Variants in SPMIP2 observed in about 807,000 individuals in gnomAD.
SPMIP2 encodes the protein sperm microtubule inner protein 2, also known as protein SPMIP2.
At chr4:159,002,530 T>C in the SPMIP2 span, among the ~76,000 whole-genome samples, 1 of 152,226 alleles carries the variant, frequency 6.6e-6, no homozygotes, top group Non-Finnish European at 1.5e-5. Context: ...AAATAATCTT[T>C]GTCTAATCTA....
At chr4:158,964,507 C>T in the SPMIP2 span, among the ~76,000 whole-genome samples, 1 of 152,022 alleles carries the variant, frequency 6.6e-6, no homozygotes, top group Non-Finnish European at 1.5e-5. Context: ...TAATTTGTTA[C>T]GCAACAGAAA....
At chr4:158,900,035 G>A in the SPMIP2 span, among the ~76,000 whole-genome samples, 1 of 151,988 alleles carries the variant, frequency 6.6e-6, no homozygotes, top group Admixed American at 6.6e-5. Flanking sequence ...CTAAAGATTC[G>A]GGTACACTGT....
the SPMIP2 span, among the ~76,000 whole-genome samples, chr4:158,913,005 G>A: frequency 0.71 from 107,169 of 151,938 alleles, 38,504 homozygotes; most frequent in East Asian, 0.95. Context: ...GAACCCACTC[G>A]TGAGGAAACA....
the SPMIP2 span, among the ~76,000 whole-genome samples, chr4:159,017,366 C>CAT: frequency 7.3e-3 from 1,102 of 151,526 alleles, 18 homozygotes; most frequent in African/African-American, 0.025. Context: ...TACACACACA[C>CAT]ACACACACAC....
chr4:158,964,833 A>T, the SPMIP2 span, among the ~76,000 whole-genome samples: 7 of 152,192 alleles, frequency 4.6e-5, no homozygotes, highest in African/African-American at 1.7e-4. Flanking sequence ...GTGGCAGGTG[A>T]GAGAGAGCAA....
the SPMIP2 span, among the ~76,000 whole-genome samples, chr4:159,036,710 A>G: frequency 6.6e-6 from 1 of 152,134 alleles, no homozygotes; most frequent in Non-Finnish European, 1.5e-5. Flanking sequence ...TATTTCCCCA[A>G]TGTGGGCAAC....
At chr4:159,066,552 T>C in the SPMIP2 span, among the ~76,000 whole-genome samples, 1 of 150,062 alleles carries the variant, frequency 6.7e-6, no homozygotes, top group Admixed American at 6.7e-5. Context: ...ATTACATATA[T>C]CCTATATATG....
chr4:159,051,301 A>G, the SPMIP2 span, among the ~76,000 whole-genome samples: 5 of 152,136 alleles, frequency 3.3e-5, no homozygotes, highest in Non-Finnish European at 5.9e-5. Flanking sequence ...TAGCTTTTTT[A>G]TTGCTTGAAA....
At chr4:159,007,745 G>A in the SPMIP2 span, 2 of 635,900 alleles carry the variant, frequency 3.1e-6, no homozygotes, top group South Asian at 1.4e-5. Context: ...TGGACTTCGG[G>A]GCCTTCTACG....
chr4:158,968,818 T>C, the SPMIP2 span, among the ~76,000 whole-genome samples: 1 of 152,204 alleles, frequency 6.6e-6, no homozygotes, highest in Non-Finnish European at 1.5e-5. Context: ...GTTTATTCCA[T>C]AGCCATCAAG....
At chr4:158,938,102 A>C in the SPMIP2 span, among the ~76,000 whole-genome samples, 1 of 152,232 alleles carries the variant, frequency 6.6e-6, no homozygotes, top group African/African-American at 2.4e-5. Context: ...TTTCTAAACA[A>C]AATTGGATGA....
chr4:158,921,884 CTTTTTT>C, the SPMIP2 span, among the ~76,000 whole-genome samples: 1 of 91,324 alleles, frequency 1.1e-5, no homozygotes, highest in African/African-American at 4.0e-5. Context: ...CTTCTACATA[CTTTTTT>C]TTTTTTTTTT....
At chr4:158,912,510 C>T in the SPMIP2 span, among the ~76,000 whole-genome samples, 2 of 152,122 alleles carry the variant, frequency 1.3e-5, no homozygotes, top group African/African-American at 4.8e-5. Context: ...TGATTCTTGT[C>T]GTGTAAGAAT....
At chr4:158,932,435 C>T in the SPMIP2 span, among the ~76,000 whole-genome samples, 1 of 152,204 alleles carries the variant, frequency 6.6e-6, no homozygotes, top group Non-Finnish European at 1.5e-5. Flanking sequence ...TACCACTGCT[C>T]TTCAGCCTGG....
chr4:159,081,591 TGAGATGAGATCAC>T, the SPMIP2 span, among the ~76,000 whole-genome samples: 1 of 151,820 alleles, frequency 6.6e-6, no homozygotes, highest in Non-Finnish European at 1.5e-5. Context: ...CTTCGGAGGC[TGAGATGAGATCAC>T]ATGAGCCTAG....
chr4:159,065,648 C>T, the SPMIP2 span, among the ~76,000 whole-genome samples: 1 of 152,086 alleles, frequency 6.6e-6, no homozygotes, highest in Non-Finnish European at 1.5e-5. Context: ...AGTCTCTCTT[C>T]TCAGAATAAG....
the SPMIP2 span, among the ~76,000 whole-genome samples, chr4:159,040,174 G>A: frequency 2.0e-5 from 3 of 150,858 alleles, no homozygotes; most frequent in African/African-American, 7.4e-5. Context: ...ATATATGTAT[G>A]TATTTTTTCT....
At chr4:159,017,825 T>C in the SPMIP2 span, among the ~76,000 whole-genome samples, 1 of 152,088 alleles carries the variant, frequency 6.6e-6, no homozygotes, top group Non-Finnish European at 1.5e-5. Flanking sequence ...GTCAAGCCAA[T>C]GTGGGTTTGA....
At chr4:158,918,108 C>T in the SPMIP2 span, among the ~76,000 whole-genome samples, 2,121 of 152,264 alleles carry the variant, frequency 0.014, 42 homozygotes, top group African/African-American at 0.048. Context: ...TTAAAAGGCC[C>T]GGAGTGTATC....
Sources: gnomAD v4.1 joint callset for allele counts (sites outside exome capture counted in the v4.1 genomes callset) on GRCh38, gnomAD v4.1.1 for gene constraint, MANE v1.5 for transcripts, NCBI Gene and HGNC (gene_info 2026-07-23, HGNC 2026-07-21) for gene names.